RNPC3: variants seen among roughly 807,000 people sequenced by gnomAD.
RNPC3 encodes the protein RNA-binding region-containing protein 3.
RNPC3 carries 48 observed loss-of-function variants against 67.5 expected under a neutral mutation model. The ratio of observed to expected loss-of-function variants is 0.71; its 90% confidence interval spans 0.56 to 0.90. The LOEUF (loss-of-function observed/expected upper bound fraction) is 0.90, where lower values mean the gene tolerates loss of function less well. RNPC3 is among the 40% of genes least tolerant of loss of function. The pLI, the probability that RNPC3 is intolerant of heterozygous loss-of-function variation, is 0.00. For synonymous variants in RNPC3, 239 were observed against 210.3 expected, an observed-to-expected ratio of 1.14 and a Z score of -1.18; for missense variants, 637 against 626.1, an observed-to-expected ratio of 1.02 and a Z score of -0.19.
intron 9 of RNPC3, among the ~76,000 whole-genome samples, chr1:103,543,902 A>G (rs1250474660): frequency 6.6e-6 from 1 of 151,806 alleles, no homozygotes; most frequent in African/African-American, 2.4e-5. Flanking sequence ...TTGTTTGCCA[A>G]GAATACTATT....
At chr1:103,546,582 G>C in intron 11 of RNPC3, 1 of 336,196 alleles carries the variant, frequency 3.0e-6, no homozygotes, top group East Asian at 5.3e-5. Flanking sequence ...TAATTTCCTA[G>C]GGCTAAGTGG....
chr1:103,550,851 T>C, intron 12 of RNPC3, 90 bp from the exon 13 acceptor site: 1 of 1,348,054 alleles, frequency 7.4e-7, no homozygotes, highest in Non-Finnish European at 1.0e-6. Flanking sequence ...GTCACTTTTA[T>C]TTGAAATAGC....
intron 7 of RNPC3, among the ~76,000 whole-genome samples, chr1:103,538,539 C>A (rs1651048906): frequency 1.3e-5 from 2 of 152,118 alleles, no homozygotes. Flanking sequence ...TGTTCTTAGA[C>A]ATAAACACAT....
intron 1 of RNPC3, 69 bp from the exon 2 acceptor site, chr1:103,527,626 A>G: frequency 8.1e-7 from 1 of 1,234,086 alleles, no homozygotes; most frequent in South Asian, 1.3e-5. Flanking sequence ...TCCACTGGTA[A>G]AAAGTCAGAT....
At chr1:103,541,923 A>AT (rs989981673) in intron 8 of RNPC3, among the ~76,000 whole-genome samples, 11 of 151,966 alleles carry the variant, frequency 7.2e-5, no homozygotes, top group African/African-American at 2.4e-4. Context: ...GATATCAAAC[A>AT]TTTTTTACTT....
intron 13 of RNPC3, among the ~76,000 whole-genome samples, chr1:103,551,466 G>A (rs1430436786): frequency 6.6e-6 from 1 of 152,136 alleles, no homozygotes; most frequent in Non-Finnish European, 1.5e-5. Flanking sequence ...TAACCATCTT[G>A]CTTTTAGTAG....
chr1:103,552,665 C>G (rs1006471167), intron 14 of RNPC3: 4 of 151,666 alleles, frequency 2.6e-5, no homozygotes, highest in African/African-American at 9.7e-5. Context: ...GCGGCTGAGG[C>G]AGGAGAATCG....
At chr1:103,531,144 T>C (rs1390534126) in intron 2 of RNPC3, among the ~76,000 whole-genome samples, 1 of 152,202 alleles carries the variant, frequency 6.6e-6, no homozygotes, top group East Asian at 1.9e-4. Flanking sequence ...TGGTCTCCCA[T>C]TCCATCTAGG....
Position 103,546,242 on chromosome 1 carries a change from A to C in RNPC3, c.1208-6A>C. 7.8e-7 allele frequency: 1 copy of C among 1,285,204 alleles called. No individual in the cohort carries two copies. Among genetic ancestry groups the C allele is most frequent in the Non-Finnish European group, 1.0e-6 (1 of 990,582 alleles). 79.6% of individuals were successfully genotyped at this position (1,285,204 alleles called of 1,614,324 possible). ...TTTATATCTTTGTTTTTTGTTTTTTAATAAGAAATGGAAACACTTTCAGTT... is the reference window on the plus strand; with the variant it reads ...TTTATATCTTTGTTTTTTGTTTTTTCATAAGAAATGGAAACACTTTCAGTT... On this transcript the variant is annotated splice_polypyrimidine_tract_variant and splice_region_variant and intron_variant, in intron 10 of 14. Coordinates refer to ENST00000423855, the MANE Select transcript of RNPC3 (RefSeq NM_017619.4).
At chr1:103,533,935 G>A (rs886139285) in intron 3 of RNPC3, 78 bp downstream of exon 3, 1 of 789,000 alleles carries the variant, frequency 1.3e-6, no homozygotes, top group South Asian at 1.6e-5. Flanking sequence ...TACAGTTATT[G>A]TATTGTTTTC....
intron 2 of RNPC3, among the ~76,000 whole-genome samples, chr1:103,533,423 T>A (rs897385149): frequency 1.3e-5 from 2 of 151,992 alleles, no homozygotes; most frequent in Admixed American, 1.3e-4. Flanking sequence ...ACCCTGAGAT[T>A]TGTGGTAGTT....
chr1:103,533,908 T>G lies in RNPC3; in HGVS notation c.359+51T>G, dbSNP rs1191905990. 4.3e-5 allele frequency: 41 copies of G among 954,366 alleles called. 1 individual carries two copies. In the South Asian group the frequency reaches 5.5e-4, roughly 13 times the overall value. The allele number at this position is 954,366 out of a possible 1,614,324, so 59.1% of individuals were successfully genotyped here. On this transcript the variant is annotated intron_variant, in intron 3 of 14. Transcript: ENST00000423855. Reference sequence around the variant, plus strand: ...TTTTGTTACATTTTTAAAGTGTGTGTTTTTTTAAATCAGTTATACAGTTAT... The same window carrying G: ...TTTTGTTACATTTTTAAAGTGTGTGGTTTTTTAAATCAGTTATACAGTTAT...
chr1:103,545,379 G>A (rs1178590376), intron 10 of RNPC3: 6 of 267,586 alleles, frequency 2.2e-5, no homozygotes, highest in Admixed American at 5.7e-5. Flanking sequence ...AAATAAGTCA[G>A]TGTGTCCCAC....
chr1:103,555,000 T>C (rs1651501968), intron 14 of RNPC3, 34 bp from the exon 15 acceptor site: 1 of 152,186 alleles, frequency 6.6e-6, no homozygotes. Flanking sequence ...TGTGTTATAC[T>C]TCCTATTTTT....
intron 1 of RNPC3, among the ~76,000 whole-genome samples, chr1:103,526,522 A>T (rs183922260): frequency 6.6e-6 from 1 of 152,196 alleles, no homozygotes; most frequent in Non-Finnish European, 1.5e-5. Context: ...TAGCTTAGTT[A>T]TATTGAGTTT....
At chr1:103,537,232 A>T (rs1651007617) in intron 6 of RNPC3, 110 bp from the exon 7 acceptor site, 4 of 193,198 alleles carry the variant, frequency 2.1e-5, no homozygotes, top group Non-Finnish European at 2.7e-5. Context: ...AGAATGTGTT[A>T]AAAAAAAAAA....
At chr1:103,539,692 T>G (rs1305813750) in intron 7 of RNPC3, among the ~76,000 whole-genome samples, 2 of 152,194 alleles carry the variant, frequency 1.3e-5, no homozygotes, top group African/African-American at 4.8e-5. Flanking sequence ...AGTTTCATGC[T>G]TCTCTTTTAT....
intron 7 of RNPC3, among the ~76,000 whole-genome samples, chr1:103,540,721 C>T (rs1188152498): frequency 6.6e-6 from 1 of 152,142 alleles, no homozygotes; most frequent in Non-Finnish European, 1.5e-5. Flanking sequence ...CAAGTTCCTG[C>T]TCTGTAGATG....
In RNPC3 at chr1:103,533,824, C is replaced by T; in HGVS notation, c.326C>T (p.Pro109Leu). Residue 109 changes from proline to leucine, a missense_variant, in exon 3 of 15, where the codon CCA becomes CTA. Pro to Leu is a moderately conservative substitution (Grantham distance 98). This residue lies in a region of RNPC3 where 536 missense variants were observed against 500.3 expected (regional missense o/e 1.07). Coordinates refer to ENST00000423855, the MANE Select transcript of RNPC3 (RefSeq NM_017619.4). ...AAAGAGCAAGATCGAGTTCACTCCC[C>T]ATGTCCCACTTCAGGCTCTGAAAAA... is the stretch of plus-strand genomic sequence containing the variant. ...FAKEQDRVHS[P>L]CPTSGSEKKK... The T allele has an allele frequency of 6.5e-7, 1 of 1,528,864 alleles. No individual in the cohort carries two copies. Among genetic ancestry groups the T allele is most frequent in the Non-Finnish European group, 8.8e-7 (1 of 1,140,626 alleles). 94.7% of individuals were successfully genotyped at this position (1,528,864 alleles called of 1,614,324 possible).
Sources: allele counts gnomAD v4.1 joint callset (sites outside exome capture counted in the v4.1 genomes callset), GRCh38; gene constraint gnomAD v4.1.1; regional missense constraint gnomAD v4.1.1; transcripts MANE v1.5; gene names NCBI Gene and HGNC (gene_info 2026-07-23, HGNC 2026-07-21).